CCDC102B: variants seen among roughly 807,000 people sequenced by gnomAD.
CCDC102B encodes coiled-coil domain-containing protein 102B.
A neutral mutation model predicts 57.4 loss-of-function variants in CCDC102B; 75 were observed. The ratio of observed to expected loss-of-function variants is 1.31; its 90% CI spans 1.08 to 1.58. The LOEUF (loss-of-function observed/expected upper bound fraction) is 1.58. CCDC102B is among the 40% of genes most tolerant of loss of function. The pLI is 0.00. For synonymous variants in CCDC102B, 206 were observed against 201.9 expected, an observed-to-expected ratio of 1.02 and a Z score of -0.17; for missense variants, 636 against 582.6, an observed-to-expected ratio of 1.09 and a Z score of -0.94.
At chr18:68,847,964 C>T (rs2144823622) in intron 4 of CCDC102B, among the ~76,000 whole-genome samples, 1 of 151,174 alleles carries the variant, frequency 6.6e-6, no homozygotes, top group African/African-American at 2.4e-5. Context: ...TTCTGATGTT[C>T]TTATGTTTTT....
intron 6 of CCDC102B, among the ~76,000 whole-genome samples, chr18:68,925,113 GGA>G (rs1465608256): frequency 1.3e-5 from 2 of 151,982 alleles, no homozygotes; most frequent in South Asian, 4.1e-4. Context: ...ATTATGCTAT[GGA>G]AAAGCATTCT....
intron 6 of CCDC102B, among the ~76,000 whole-genome samples, chr18:68,920,033 G>A (rs2041219619): frequency 6.6e-6 from 1 of 152,008 alleles, no homozygotes; most frequent in Admixed American, 6.6e-5. Flanking sequence ...TTGTGTCATG[G>A]GGATTTGTTG....
Position 69,054,305 on chromosome 18 carries a change from C to T in CCDC102B, c.*168C>T. Reference sequence around the variant, plus strand: ...TTCACTTCTTCTAATTTTTGCCTAACAGATACTGCATATTCTCAAAAAGAC... The same window carrying T: ...TTCACTTCTTCTAATTTTTGCCTAATAGATACTGCATATTCTCAAAAAGAC... On this transcript the variant is annotated 3_prime_UTR_variant, in exon 8 of 8. Transcript: ENST00000360242. 8 of 1,303,294 alleles carry T rather than the reference C, an allele frequency of 6.1e-6. No individual in the cohort carries two copies. Among genetic ancestry groups the T allele is most frequent in the South Asian group, 2.4e-5 (1 of 42,392 alleles). The allele number at this position is 1,303,294 out of a possible 1,614,324, so 80.7% of individuals were successfully genotyped here.
At chr18:68,951,805 CA>C (rs5825888) in intron 6 of CCDC102B, among the ~76,000 whole-genome samples, 17,909 of 129,922 alleles carry the variant, frequency 0.14, 1,377 homozygotes, top group East Asian at 0.32. Flanking sequence ...GAGACCCTGT[CA>C]AAAAAAAAAA....
intron 6 of CCDC102B, among the ~76,000 whole-genome samples, chr18:69,005,884 A>G (rs1014104944): frequency 2.6e-5 from 4 of 151,746 alleles, no homozygotes; most frequent in African/African-American, 4.8e-5. Flanking sequence ...ATCTGCTTAT[A>G]AAAGAACTGT....
intron 2 of CCDC102B, among the ~76,000 whole-genome samples, chr18:68,788,481 G>A (rs367993864): frequency 1.5e-4 from 23 of 151,322 alleles, no homozygotes; most frequent in South Asian, 6.3e-4. Flanking sequence ...TTTGTAGGTC[G>A]CTCAGGACTT....
chr18:68,868,375 C>T (rs893271579), intron 4 of CCDC102B, among the ~76,000 whole-genome samples: 2 of 152,068 alleles, frequency 1.3e-5, no homozygotes, highest in Non-Finnish European at 2.9e-5. Flanking sequence ...CTACCATTCT[C>T]TAAGGTTAAG....
At chr18:68,979,432 A>G (rs1385266163) in intron 6 of CCDC102B, among the ~76,000 whole-genome samples, 1 of 152,028 alleles carries the variant, frequency 6.6e-6, no homozygotes, top group African/African-American at 2.4e-5. Context: ...GCTTAAGACA[A>G]TTAGAAAAAA....
intron 1 of CCDC102B, among the ~76,000 whole-genome samples, chr18:68,804,324 C>A (rs1366113015): frequency 6.6e-6 from 1 of 152,124 alleles, no homozygotes; most frequent in African/African-American, 2.4e-5. Context: ...CATGTGAAAT[C>A]TGAGATGCTG....
At chr18:68,758,849 C>T (rs1394924022) in intron 2 of CCDC102B, among the ~76,000 whole-genome samples, 1 of 150,802 alleles carries the variant, frequency 6.6e-6, no homozygotes, top group Admixed American at 6.6e-5. Context: ...CCTTCCCCAT[C>T]CCTATAGTAA....
chr18:69,016,212 T>C (rs1391856731), intron 7 of CCDC102B, among the ~76,000 whole-genome samples: 1 of 152,086 alleles, frequency 6.6e-6, no homozygotes, highest in Admixed American at 6.6e-5. Context: ...TATACATCCA[T>C]ATTAAAATAT....
At chr18:68,895,716 T>A (rs2145010411) in intron 5 of CCDC102B, among the ~76,000 whole-genome samples, 1 of 151,964 alleles carries the variant, frequency 6.6e-6, no homozygotes, top group South Asian at 2.1e-4. Flanking sequence ...ATTGTATTTA[T>A]GGTATTATAT....
chr18:68,789,618 G>A (rs1332881781), intron 2 of CCDC102B, among the ~76,000 whole-genome samples: 4 of 146,602 alleles, frequency 2.7e-5, no homozygotes, highest in African/African-American at 7.7e-5. Context: ...CCAGTTGATC[G>A]CATTGGCTCC....
chr18:68,838,504 A>G (rs1019576100), intron 2 of CCDC102B: 50 of 985,122 alleles, frequency 5.1e-5, no homozygotes, highest in Non-Finnish European at 5.8e-5. Flanking sequence ...TATTTTTTTT[A>G]TGAGAAAGTA....
intron 5 of CCDC102B, among the ~76,000 whole-genome samples, chr18:68,875,984 T>G (rs2032220): frequency 0.35 from 52,791 of 151,914 alleles, 10,002 homozygotes; most frequent in East Asian, 0.62. Flanking sequence ...AAGGCTGAAC[T>G]GTTGAATACA....
chr18:69,037,277 T>TAC (rs1270964847), intron 7 of CCDC102B, among the ~76,000 whole-genome samples: 3 of 151,920 alleles, frequency 2.0e-5, no homozygotes, highest in Non-Finnish European at 4.4e-5. Flanking sequence ...CACATCCATA[T>TAC]ACACACACAC....
intron 6 of CCDC102B, among the ~76,000 whole-genome samples, chr18:68,920,762 C>T (rs374307374): frequency 4.6e-5 from 7 of 152,124 alleles, no homozygotes; most frequent in Non-Finnish European, 8.8e-5. Context: ...AGGTGGAAAC[C>T]GCTTATAAAA....
At chr18:68,972,694 A>G (rs1467979402) in intron 6 of CCDC102B, among the ~76,000 whole-genome samples, 1 of 152,174 alleles carries the variant, frequency 6.6e-6, no homozygotes, top group Middle Eastern at 3.2e-3. Context: ...TGTAATATGT[A>G]TTACTATAAA....
At chr18:68,999,025 GA>G (rs1297431676) in intron 6 of CCDC102B, among the ~76,000 whole-genome samples, 3 of 145,408 alleles carry the variant, frequency 2.1e-5, no homozygotes, top group Admixed American at 7.0e-5. Flanking sequence ...GAGAGAGAGA[GA>G]GAGAGAGAGA....
Sources: gnomAD v4.1 joint callset for allele counts (sites outside exome capture counted in the v4.1 genomes callset) on GRCh38, gnomAD v4.1.1 for gene constraint, MANE v1.5 for transcripts, NCBI Gene and HGNC (gene_info 2026-07-23, HGNC 2026-07-21) for gene names.